The following IMMP2L variants were observed in gnomAD, a reference collection of about 807,000 sequenced individuals.
The protein encoded by IMMP2L is mitochondrial inner membrane protease subunit 2.
In IMMP2L, 18 loss-of-function variants were observed where a neutral mutation model predicts 19.3. That is an observed-to-expected ratio of 0.93 (90% confidence interval 0.64 to 1.38). The LOEUF is 1.38. Ranked by LOEUF, IMMP2L falls within the 40% of genes most tolerant of loss-of-function variation. The pLI, the probability that IMMP2L is intolerant of heterozygous loss-of-function variation, is 0.00. For missense variants in IMMP2L, 233 were observed against 218.2 expected, an observed-to-expected ratio of 1.07 and a Z score of -0.43; for synonymous variants, 76 against 73.0, an observed-to-expected ratio of 1.04 and a Z score of -0.21.
At chr7:111,298,911 A>C (rs1253681653) in intron 3 of IMMP2L, among the ~76,000 whole-genome samples, 1 of 152,144 alleles carries the variant, frequency 6.6e-6, no homozygotes, top group African/African-American at 2.4e-5. Context: ...GAAAAGTAAT[A>C]AACTAAAATA....
intron 5 of IMMP2L, among the ~76,000 whole-genome samples, chr7:110,718,818 C>T (rs559836348): frequency 6.6e-6 from 1 of 152,208 alleles, no homozygotes; most frequent in South Asian, 2.1e-4. Flanking sequence ...CAGGTGCTTA[C>T]CTGAAATAGC....
At chr7:111,283,232 T>C (rs1261094954) in intron 3 of IMMP2L, among the ~76,000 whole-genome samples, 1 of 151,752 alleles carries the variant, frequency 6.6e-6, no homozygotes, top group Non-Finnish European at 1.5e-5. Context: ...AAAGAAGAAA[T>C]CAAAAGGGGA....
chr7:110,843,240 A>G (rs1805288661), intron 5 of IMMP2L, among the ~76,000 whole-genome samples: 1 of 152,222 alleles, frequency 6.6e-6, no homozygotes, highest in Non-Finnish European at 1.5e-5. Flanking sequence ...ATCTTGAAGA[A>G]ATCCAAAAAT....
At chr7:111,415,008 A>G (rs959741405) in intron 3 of IMMP2L, among the ~76,000 whole-genome samples, 1 of 151,824 alleles carries the variant, frequency 6.6e-6, no homozygotes, top group African/African-American at 2.4e-5. Context: ...TATGACAAGC[A>G]TGAAAAGATT....
chr7:111,523,279 G>A (rs1325043491), intron 1 of IMMP2L, among the ~76,000 whole-genome samples: 2 of 151,926 alleles, frequency 1.3e-5, no homozygotes, highest in Admixed American at 6.6e-5. Context: ...GATGTTATAT[G>A]CTCTTACCAC....
At position 110,757,632 on chromosome 7, in the gene IMMP2L, T is replaced by G. The variant is rs949286335; in HGVS notation, c.409-93911A>C. 1.3e-5 allele frequency among the ~76,000 whole-genome samples: 2 copies of G among 152,128 alleles called. No individual in the cohort carries two copies. The highest frequency in any genetic ancestry group is 4.8e-5 in the African/African-American group (2 of 41,440). ...TCTACCCATATCTCATATACCGGGT[T>G]CTATAAGTGCTCCCAGCCCTTGTCC... is the stretch of plus-strand genomic sequence containing the variant. On this transcript the variant is annotated intron_variant, in intron 5 of 5. Transcript: ENST00000405709. The surrounding 1 kb of genome is among the most constrained non-coding windows in gnomAD (Gnocchi z 4.2).
At chr7:110,664,021 G>T (rs1376585263) in intron 5 of IMMP2L, among the ~76,000 whole-genome samples, 2 of 152,018 alleles carry the variant, frequency 1.3e-5, no homozygotes, top group East Asian at 1.9e-4. Flanking sequence ...GCTCAAAGAG[G>T]TTAAAAAATT....
intron 3 of IMMP2L, among the ~76,000 whole-genome samples, chr7:111,120,479 G>A (rs1173831916): frequency 6.6e-6 from 1 of 152,070 alleles, no homozygotes; most frequent in African/African-American, 2.4e-5. Flanking sequence ...TCTCCCACCA[G>A]GTCCCTCCCA....
At chr7:111,236,687 C>T (rs1256681168) in intron 3 of IMMP2L, among the ~76,000 whole-genome samples, 1 of 152,068 alleles carries the variant, frequency 6.6e-6, no homozygotes, top group Non-Finnish European at 1.5e-5. Context: ...GTCCTGCAAA[C>T]TCTAGCCACC....
intron 3 of IMMP2L, among the ~76,000 whole-genome samples, chr7:111,463,310 T>TG (rs901351926): frequency 3.3e-5 from 5 of 152,128 alleles, no homozygotes; most frequent in South Asian, 4.2e-4. Flanking sequence ...TCAACTTTTC[T>TG]GGGGGGGATC....
chr7:111,067,640 C>T (rs12705756), intron 3 of IMMP2L, among the ~76,000 whole-genome samples: 116,364 of 151,838 alleles, frequency 0.77, 47,542 homozygotes, highest in Non-Finnish European at 0.9. Flanking sequence ...TTACTGTTGG[C>T]AAGGTCACCA....
intron 3 of IMMP2L, among the ~76,000 whole-genome samples, chr7:111,011,172 G>A (rs1053480879): frequency 1.3e-5 from 2 of 151,972 alleles, no homozygotes. Flanking sequence ...TAAAATATAT[G>A]GTTCTAGTTG....
intron 5 of IMMP2L, among the ~76,000 whole-genome samples, chr7:110,670,072 T>A (rs185504000): frequency 2.0e-5 from 3 of 152,094 alleles, no homozygotes; most frequent in African/African-American, 7.2e-5. Flanking sequence ...TGTATTTGGA[T>A]ATGGAAACTT....
chr7:110,684,233 A>T (rs1792943555), intron 5 of IMMP2L, among the ~76,000 whole-genome samples: 1 of 152,124 alleles, frequency 6.6e-6, no homozygotes, highest in East Asian at 1.9e-4. Context: ...TTTATTTACA[A>T]AAATTTTTAT....
chr7:111,124,310 T>C (rs1801022462), intron 3 of IMMP2L: 4 of 1,613,808 alleles, frequency 2.5e-6, no homozygotes, highest in Non-Finnish European at 3.4e-6. Context: ...ATGATCAAAG[T>C]GGATGGATCT....
chr7:110,934,625 G>A (rs560140800), intron 4 of IMMP2L, among the ~76,000 whole-genome samples: 7 of 152,174 alleles, frequency 4.6e-5, no homozygotes, highest in African/African-American at 1.7e-4. Context: ...TTATTGTGTG[G>A]GAGTCTAAGT....
intron 3 of IMMP2L, among the ~76,000 whole-genome samples, chr7:110,976,457 C>T (rs1820710772): frequency 6.6e-6 from 1 of 152,002 alleles, no homozygotes; most frequent in Non-Finnish European, 1.5e-5. Flanking sequence ...ATGATTTACA[C>T]TAGTCATTAT....
At chr7:111,255,197 T>C (rs1219469921) in intron 3 of IMMP2L, among the ~76,000 whole-genome samples, 1 of 151,980 alleles carries the variant, frequency 6.6e-6, no homozygotes, top group African/African-American at 2.4e-5. Flanking sequence ...GAGACAAATA[T>C]CTCTTCTAAG....
intron 5 of IMMP2L, among the ~76,000 whole-genome samples, chr7:110,696,956 G>A (rs1011684334): frequency 2.6e-5 from 4 of 152,154 alleles, no homozygotes; most frequent in Non-Finnish European, 2.9e-5. Context: ...AATAAAGCCT[G>A]AGGAGAGATA....
Sources: allele counts gnomAD v4.1 joint callset (sites outside exome capture counted in the v4.1 genomes callset), GRCh38; gene constraint gnomAD v4.1.1; non-coding constraint Gnocchi (gnomAD v3.1); transcripts MANE v1.5; gene names NCBI Gene and HGNC (gene_info 2026-07-23, HGNC 2026-07-21).